STXBP5L: variants seen among roughly 807,000 people sequenced by gnomAD.
STXBP5L encodes syntaxin-binding protein 5-like.
Under a neutral mutation model 144.5 loss-of-function variants are expected in STXBP5L, and 65 were observed. That is an observed-to-expected ratio of 0.45 (90% CI 0.37 to 0.55). STXBP5L has a LOEUF of 0.55. Among genes scored for constraint, STXBP5L ranks in the 20% least tolerant of loss-of-function variants. The pLI is 0.00. For synonymous variants in STXBP5L, 505 were observed against 469.6 expected (o/e 1.08, Z -0.97); for missense variants, 1,298 against 1,405.5 (o/e 0.92, Z 1.22).
intron 5 of STXBP5L, among the ~76,000 whole-genome samples, chr3:121,068,172 G>A (rs1167288191): frequency 6.6e-6 from 1 of 152,132 alleles, no homozygotes; most frequent in African/African-American, 2.4e-5. Flanking sequence ...ACCATGCCCA[G>A]CTAATTTTTG....
intron 5 of STXBP5L, among the ~76,000 whole-genome samples, chr3:121,054,545 C>T (rs1415622913): frequency 7.5e-6 from 1 of 133,508 alleles, no homozygotes; most frequent in Non-Finnish European, 1.5e-5. Context: ...ACAATGAGAA[C>T]ACATGGACAC....
At chr3:121,077,774 G>A (rs980689121) in intron 5 of STXBP5L, among the ~76,000 whole-genome samples, 11 of 152,302 alleles carry the variant, frequency 7.2e-5, no homozygotes, top group African/African-American at 2.4e-4. Flanking sequence ...TAGATACAGA[G>A]TGTCAACACA....
At chr3:120,974,269 G>C (rs1940659428) in intron 3 of STXBP5L, among the ~76,000 whole-genome samples, 1 of 152,094 alleles carries the variant, frequency 6.6e-6, no homozygotes, top group African/African-American at 2.4e-5. Context: ...TTGTGGTTTT[G>C]ATTTGCATTT....
At chr3:121,146,368 G>A (rs941535220) in intron 7 of STXBP5L, among the ~76,000 whole-genome samples, 1 of 151,900 alleles carries the variant, frequency 6.6e-6, no homozygotes, top group African/African-American at 2.4e-5. Context: ...ATAAATGTAT[G>A]TATAATGGAT....
intron 19 of STXBP5L, among the ~76,000 whole-genome samples, chr3:121,289,017 G>C (rs2051326317): frequency 6.6e-6 from 1 of 152,040 alleles, no homozygotes; most frequent in Admixed American, 6.6e-5. Flanking sequence ...TACCTACCAG[G>C]CACTATACTT....
intron 7 of STXBP5L, among the ~76,000 whole-genome samples, chr3:121,140,937 C>T (rs2045474068): frequency 6.6e-6 from 1 of 151,924 alleles, no homozygotes; most frequent in Non-Finnish European, 1.5e-5. Context: ...ATGCTTTTAA[C>T]TATAATAAGT....
intron 18 of STXBP5L, among the ~76,000 whole-genome samples, chr3:121,274,988 A>G (rs1046597967): frequency 6.6e-6 from 1 of 152,238 alleles, no homozygotes; most frequent in East Asian, 1.9e-4. Flanking sequence ...TGAATATACA[A>G]CTGCTTCATC....
chr3:120,935,105 T>C (rs1710194283), intron 2 of STXBP5L, among the ~76,000 whole-genome samples: 1 of 151,866 alleles, frequency 6.6e-6, no homozygotes, highest in Non-Finnish European at 1.5e-5. Flanking sequence ...TTCTGTCTTG[T>C]CTAACTTTGA....
At chr3:121,076,248 C>A (rs551127944) in intron 5 of STXBP5L, among the ~76,000 whole-genome samples, 84 of 152,288 alleles carry the variant, frequency 5.5e-4, no homozygotes, top group Middle Eastern at 3.4e-3. Flanking sequence ...AGGGCTCTGG[C>A]TCCTCTCTGC....
At chr3:120,976,802 A>T (rs1293968799) in intron 3 of STXBP5L, among the ~76,000 whole-genome samples, 2 of 152,068 alleles carry the variant, frequency 1.3e-5, no homozygotes, top group Admixed American at 6.6e-5. Context: ...TTCGTTATGT[A>T]CCCAGTAGTC....
chr3:121,119,273 G>A (rs1446259618), intron 6 of STXBP5L, among the ~76,000 whole-genome samples: 5 of 151,360 alleles, frequency 3.3e-5, no homozygotes, highest in Admixed American at 6.6e-5. Context: ...CTTTCCTTAT[G>A]TAGGTGGGTA....
At chr3:121,308,445 T>C (rs894641144) in intron 19 of STXBP5L, among the ~76,000 whole-genome samples, 3 of 121,158 alleles carry the variant, frequency 2.5e-5, no homozygotes, top group Non-Finnish European at 5.2e-5. Flanking sequence ...AATTTAAATC[T>C]ACACAAAGGA....
At chr3:121,037,929 T>G (rs1946872935) in intron 3 of STXBP5L, among the ~76,000 whole-genome samples, 1 of 152,070 alleles carries the variant, frequency 6.6e-6, no homozygotes, top group South Asian at 2.1e-4. Flanking sequence ...GATTGTCAAA[T>G]TTATTGGCAT....
chr3:121,284,238 C>T (rs2051157379), intron 19 of STXBP5L, among the ~76,000 whole-genome samples: 1 of 151,880 alleles, frequency 6.6e-6, no homozygotes. Flanking sequence ...TATCAACAAC[C>T]TCAAATGGAT....
chr3:121,189,561 A>G (rs7652353), intron 9 of STXBP5L, among the ~76,000 whole-genome samples: 15,083 of 152,044 alleles, frequency 0.099, 1,171 homozygotes, highest in Admixed American at 0.2. Context: ...TGAGGGCTCT[A>G]TTCTGTTCCA....
chr3:121,199,020 A>G (rs952428094), intron 9 of STXBP5L, among the ~76,000 whole-genome samples: 10 of 152,190 alleles, frequency 6.6e-5, no homozygotes, highest in Non-Finnish European at 8.8e-5. Context: ...AATTCTGCAA[A>G]GAAAGTCAAA....
chr3:121,097,110 G>C (rs528849917), intron 5 of STXBP5L, among the ~76,000 whole-genome samples: 1 of 152,310 alleles, frequency 6.6e-6, no homozygotes, highest in South Asian at 2.1e-4. Context: ...CAAACTTCCT[G>C]GCTGCTTTGT....
intron 3 of STXBP5L, among the ~76,000 whole-genome samples, chr3:121,030,617 G>A (rs186626657): frequency 1.9e-3 from 295 of 152,060 alleles, no homozygotes; most frequent in Non-Finnish European, 3.5e-3. Context: ...ACCATGGCAC[G>A]TGTATACCTA....
chr3:120,919,536 A>G (rs1376816179), intron 2 of STXBP5L, among the ~76,000 whole-genome samples: 3 of 152,004 alleles, frequency 2.0e-5, no homozygotes, highest in Non-Finnish European at 4.4e-5. Flanking sequence ...ATTCTCTGCC[A>G]TCCTATGGTA....
Sources: gnomAD v4.1 joint callset for allele counts (sites outside exome capture counted in the v4.1 genomes callset) on GRCh38, gnomAD v4.1.1 for gene constraint, MANE v1.5 for transcripts, NCBI Gene and HGNC (gene_info 2026-07-23, HGNC 2026-07-21) for gene names.